PHKB: variants seen among roughly 807,000 people sequenced by gnomAD.
PHKB encodes the protein phosphorylase b kinase regulatory subunit beta.
A neutral mutation model predicts 152.1 loss-of-function variants in PHKB; 122 were observed. The ratio of observed to expected loss-of-function variants is 0.80; its 90% CI spans 0.69 to 0.93. The LOEUF is 0.93. Among genes scored for constraint, PHKB ranks in the 40% least tolerant of loss-of-function variants. The probability of loss-of-function intolerance (pLI) is 0.00; values close to 1 mark genes in which losing one functional copy is unlikely to be tolerated. For missense variants in PHKB, 1,304 were observed against 1,328.4 expected (o/e 0.98, Z 0.29); for synonymous variants, 436 against 464.9 (o/e 0.94, Z 0.80).
In PHKB at chr16:47,556,519, G is replaced by C. The variant is rs143997323; in HGVS notation, c.710+8971G>C. Among the ~76,000 whole-genome samples the C allele has an allele frequency of 9.6e-3, 1,462 of 152,268 alleles. 11 individuals carry two copies. The highest frequency in any genetic ancestry group is 0.014 in the South Asian group (70 of 4,830). On this transcript the variant is annotated intron_variant, in intron 7 of 30. Coordinates refer to ENST00000323584, the MANE Select transcript of PHKB (RefSeq NM_000293.3). The stretch of plus-strand genomic sequence containing the variant: ...GTCCAAGGCCTTTTCTGCATCTATT[G>C]AGATAATCATGTGGTTTTTGTCGTT...
chr16:47,646,971 T>C (rs1973140247), intron 16 of PHKB, among the ~76,000 whole-genome samples: 1 of 152,132 alleles, frequency 6.6e-6, no homozygotes, highest in Non-Finnish European at 1.5e-5. Context: ...AGCTCTGACA[T>C]TGATTAACTC....
intron 14 of PHKB, among the ~76,000 whole-genome samples, chr16:47,635,203 T>C (rs1430567958): frequency 1.3e-5 from 2 of 152,288 alleles, no homozygotes; most frequent in East Asian, 3.9e-4. Flanking sequence ...AATGGATAAG[T>C]AGATTGGATT....
At chr16:47,487,096 A>G (rs1014665419) in intron 1 of PHKB, among the ~76,000 whole-genome samples, 2 of 152,162 alleles carry the variant, frequency 1.3e-5, no homozygotes, top group Admixed American at 1.3e-4. Context: ...GTAAGATTCT[A>G]TTTTCACAGA....
At chr16:47,686,486 AG>A (rs1345031528) in intron 26 of PHKB, among the ~76,000 whole-genome samples, 1 of 152,202 alleles carries the variant, frequency 6.6e-6, no homozygotes, top group African/African-American at 2.4e-5. Flanking sequence ...AACATTTCAG[AG>A]CCTTTTTATA....
At chr16:47,597,228 A>AAT (rs1972135852) in intron 13 of PHKB, among the ~76,000 whole-genome samples, 1 of 152,180 alleles carries the variant, frequency 6.6e-6, no homozygotes, top group Non-Finnish European at 1.5e-5. Context: ...GCTAACTGTA[A>AAT]ATACTGTACC....
chr16:47,544,510 A>G (rs1971123378), intron 6 of PHKB, among the ~76,000 whole-genome samples: 1 of 152,202 alleles, frequency 6.6e-6, no homozygotes, highest in Non-Finnish European at 1.5e-5. Flanking sequence ...ACTTCCACGT[A>G]TGTGGTCAAT....
chr16:47,500,188 C>T (rs998607091), intron 3 of PHKB, among the ~76,000 whole-genome samples: 2 of 152,104 alleles, frequency 1.3e-5, no homozygotes, highest in African/African-American at 4.8e-5. Context: ...CAGGCATGCA[C>T]TACCACGCCT....
intron 26 of PHKB, chr16:47,675,519 A>ACACACACTCTCTCT (rs1491544334): frequency 1.1e-5 from 1 of 87,968 alleles, no homozygotes. Flanking sequence ...ACACACACAC[A>ACACACACTCTCTCT]CTCTCTCTCT....
intron 6 of PHKB, among the ~76,000 whole-genome samples, chr16:47,545,890 G>A (rs1214407220): frequency 6.6e-6 from 1 of 152,096 alleles, no homozygotes; most frequent in Non-Finnish European, 1.5e-5. Flanking sequence ...ATTGGCTACT[G>A]AAGCTTGTGC....
chr16:47,536,347 G>T (rs370616799), intron 6 of PHKB, among the ~76,000 whole-genome samples: 1 of 152,146 alleles, frequency 6.6e-6, no homozygotes, highest in East Asian at 1.9e-4. Flanking sequence ...CACCGCACCC[G>T]GCCGATCTTT....
intron 13 of PHKB, among the ~76,000 whole-genome samples, chr16:47,604,175 A>G (rs539336390): frequency 1.2e-4 from 19 of 152,132 alleles, no homozygotes; most frequent in Non-Finnish European, 2.8e-4. Flanking sequence ...TTTTTTGCCC[A>G]TTTAATCTTG....
chr16:47,496,659 ATGTC>A (rs1229130514), intron 1 of PHKB, among the ~76,000 whole-genome samples: 1 of 152,208 alleles, frequency 6.6e-6, no homozygotes, highest in Non-Finnish European at 1.5e-5. Flanking sequence ...GAAGGTTCAG[ATGTC>A]TGTCTTTCAG....
At chr16:47,601,141 C>G (rs1324726519) in intron 13 of PHKB, among the ~76,000 whole-genome samples, 1 of 151,962 alleles carries the variant, frequency 6.6e-6, no homozygotes, top group Non-Finnish European at 1.5e-5. Flanking sequence ...CACCTGAGCC[C>G]TGGAGGTCAA....
intron 1 of PHKB, among the ~76,000 whole-genome samples, chr16:47,481,108 GTCTCC>G: frequency 6.6e-6 from 1 of 151,874 alleles, no homozygotes; most frequent in Admixed American, 6.6e-5. Flanking sequence ...AGTTTGCTTT[GTCTCC>G]CACAGAGACA....
At chr16:47,611,843 A>G (rs956922361) in intron 14 of PHKB, among the ~76,000 whole-genome samples, 9 of 152,150 alleles carry the variant, frequency 5.9e-5, no homozygotes, top group Non-Finnish European at 1.2e-4. Flanking sequence ...GAGACTTGTA[A>G]ATAAATGCTA....
At chr16:47,473,066 G>GTTTGT (rs922636573) in intron 1 of PHKB, among the ~76,000 whole-genome samples, 2 of 149,890 alleles carry the variant, frequency 1.3e-5, no homozygotes, top group Non-Finnish European at 3.0e-5. Flanking sequence ...TTGTTTGTTT[G>GTTTGT]TTTGTTTTTG....
intron 5 of PHKB, 108 bp downstream of exon 5, chr16:47,511,880 C>T (rs888504208): frequency 2.0e-5 from 15 of 747,574 alleles, no homozygotes; most frequent in African/African-American, 3.5e-5. Context: ...AAGTTTTCCA[C>T]GGATGGGGTA....
intron 7 of PHKB, among the ~76,000 whole-genome samples, chr16:47,560,872 A>G (rs1280422546): frequency 2.0e-5 from 3 of 152,198 alleles, no homozygotes; most frequent in South Asian, 2.1e-4. Flanking sequence ...ATAATATGTT[A>G]TGATAGGGAT....
intron 14 of PHKB, among the ~76,000 whole-genome samples, chr16:47,628,505 C>T (rs1389657061): frequency 6.6e-6 from 1 of 152,112 alleles, no homozygotes; most frequent in Admixed American, 6.5e-5. Context: ...GCGCTCCAGC[C>T]TGGGCGACAG....
Sources: gnomAD v4.1 joint callset for allele counts (sites outside exome capture counted in the v4.1 genomes callset) on GRCh38, gnomAD v4.1.1 for gene constraint, MANE v1.5 for transcripts, NCBI Gene and HGNC (gene_info 2026-07-23, HGNC 2026-07-21) for gene names.